The following KCNIP4 variants were observed in gnomAD, a reference collection of about 807,000 sequenced individuals.
The protein encoded by KCNIP4 is Kv channel-interacting protein 4.
In KCNIP4, 12 loss-of-function variants were observed where a neutral mutation model predicts 34.0. That is an observed-to-expected ratio of 0.35 (90% CI 0.23 to 0.57). KCNIP4 has a LOEUF of 0.57. KCNIP4 is among the 20% of genes least tolerant of loss of function. The probability of loss-of-function intolerance (pLI) is 0.83; values close to 1 mark genes in which losing one functional copy is unlikely to be tolerated. For synonymous variants in KCNIP4, 124 were observed against 102.2 expected (o/e 1.21, Z -1.29); for missense variants, 238 against 311.7 (o/e 0.76, Z 1.78).
chr4:20,882,387 G>A (rs776192813), intron 2 of KCNIP4, among the ~76,000 whole-genome samples: 4 of 152,094 alleles, frequency 2.6e-5, no homozygotes, highest in Non-Finnish European at 4.4e-5. Context: ...GTGTTTTGCA[G>A]GACAGGCTCC....
At chr4:21,053,315 C>T (rs1413549368) in intron 1 of KCNIP4, among the ~76,000 whole-genome samples, 1 of 152,040 alleles carries the variant, frequency 6.6e-6, no homozygotes, top group African/African-American at 2.4e-5. Flanking sequence ...TATGCATTAA[C>T]AACTAATTAA....
chr4:20,998,166 G>A (rs1177882540), intron 1 of KCNIP4, among the ~76,000 whole-genome samples: 2 of 152,170 alleles, frequency 1.3e-5, no homozygotes, highest in Admixed American at 1.3e-4. Context: ...CCAGAAGAAA[G>A]GGTAGCCAAC....
At chr4:21,718,518 G>A (rs1714562026) in intron 1 of KCNIP4, 2 of 151,560 alleles carry the variant, frequency 1.3e-5, no homozygotes, top group African/African-American at 4.8e-5. Context: ...TGTTACTTAG[G>A]TAAATAAATG....
intron 1 of KCNIP4, among the ~76,000 whole-genome samples, chr4:21,428,551 TG>T (rs1726131461): frequency 6.6e-6 from 1 of 152,152 alleles, no homozygotes; most frequent in Non-Finnish European, 1.5e-5. Context: ...TGACACTTGG[TG>T]GTGGGAGGAA....
chr4:20,783,946 A>G (rs1200515935), intron 3 of KCNIP4, among the ~76,000 whole-genome samples: 1 of 152,164 alleles, frequency 6.6e-6, no homozygotes, highest in Non-Finnish European at 1.5e-5. Flanking sequence ...GGCACTGGGT[A>G]GGCTCTGAGA....
chr4:21,204,704 G>A lies in KCNIP4; in HGVS notation c.62-321995C>T, dbSNP rs145391817. Among the ~76,000 whole-genome samples the A allele has an allele frequency of 7.8e-3, 1,186 of 152,282 alleles. 15 individuals are homozygous for A. The highest frequency in any genetic ancestry group is 0.027 in the African/African-American group (1,107 of 41,548). ...TTTAAATATGATAAAGTATACATAA[G>A]CAGAAGGAAACATTGGAAATAGATG... is the stretch of plus-strand genomic sequence containing the variant. On this transcript the variant is annotated intron_variant, in intron 1 of 8. Coordinates refer to ENST00000382152, the MANE Select transcript of KCNIP4 (RefSeq NM_025221.6).
intron 1 of KCNIP4, among the ~76,000 whole-genome samples, chr4:21,751,097 A>G (rs1717122489): frequency 6.6e-6 from 1 of 152,136 alleles, no homozygotes; most frequent in Admixed American, 6.6e-5. Flanking sequence ...AGGGAAGAGG[A>G]GACTGGGTGA....
At chr4:21,227,320 T>C (rs1192533752) in intron 1 of KCNIP4, among the ~76,000 whole-genome samples, 1 of 152,176 alleles carries the variant, frequency 6.6e-6, no homozygotes, top group Non-Finnish European at 1.5e-5. Flanking sequence ...AAAAGCACTT[T>C]TCCAATTCTG....
At chr4:21,269,085 G>T (rs1761986821) in intron 1 of KCNIP4, among the ~76,000 whole-genome samples, 1 of 152,184 alleles carries the variant, frequency 6.6e-6, no homozygotes, top group Admixed American at 6.5e-5. Flanking sequence ...TAAGGAGCCT[G>T]CCCATGGTTT....
At chr4:20,802,824 C>T (rs537588358) in intron 3 of KCNIP4, among the ~76,000 whole-genome samples, 33 of 152,106 alleles carry the variant, frequency 2.2e-4, no homozygotes, top group African/African-American at 5.8e-4. Flanking sequence ...GCCTGTAATC[C>T]GGCAGTTTGG....
At chr4:20,838,642 A>T (rs1456473024) in intron 3 of KCNIP4, among the ~76,000 whole-genome samples, 1 of 152,118 alleles carries the variant, frequency 6.6e-6, no homozygotes, top group East Asian at 1.9e-4. Context: ...TTCCCTCAGG[A>T]TCTGAACATG....
Position 21,801,157 on chromosome 4 carries a change from C to T in KCNIP4, c.61+147414G>A, listed in dbSNP as rs767217221. Among the ~76,000 whole-genome samples, 58 of 152,296 alleles carry T rather than the reference C, an allele frequency of 3.8e-4. No individual in the cohort carries two copies. In the Middle Eastern group the frequency reaches 0.014, roughly 36 times the overall value. ...GTGTGTGAGAGAGAACATATTCTAA[C>T]ACCAGTTTTCATAGCTTCATGTCCA... On this transcript the variant is annotated intron_variant, in intron 1 of 8. Coordinates refer to ENST00000382152, the MANE Select transcript of KCNIP4 (RefSeq NM_025221.6).
At chr4:21,294,329 GC>G (rs1384271970) in intron 1 of KCNIP4, among the ~76,000 whole-genome samples, 1 of 152,034 alleles carries the variant, frequency 6.6e-6, no homozygotes, top group Non-Finnish European at 1.5e-5. Flanking sequence ...CAAGATCTGG[GC>G]CCTAACTCCC....
At chr4:20,849,767 T>C (rs1395806260) in intron 3 of KCNIP4, among the ~76,000 whole-genome samples, 1 of 152,238 alleles carries the variant, frequency 6.6e-6, no homozygotes, top group African/African-American at 2.4e-5. Flanking sequence ...TTGATGCCTT[T>C]AAGGATGAAC....
At chr4:20,968,332 G>A (rs1273667952) in intron 1 of KCNIP4, among the ~76,000 whole-genome samples, 1 of 152,146 alleles carries the variant, frequency 6.6e-6, no homozygotes, top group South Asian at 2.1e-4. Flanking sequence ...GTTGGTGGGA[G>A]TGTAAATTAG....
chr4:20,804,750 C>T (rs559752945), intron 3 of KCNIP4, among the ~76,000 whole-genome samples: 17 of 152,138 alleles, frequency 1.1e-4, no homozygotes, highest in East Asian at 1.9e-4. Context: ...TATTTATTTA[C>T]GGAATAAAAC....
At chr4:21,210,364 C>G (rs1016482940) in intron 1 of KCNIP4, among the ~76,000 whole-genome samples, 1 of 152,118 alleles carries the variant, frequency 6.6e-6, no homozygotes, top group Non-Finnish European at 1.5e-5. Context: ...TTTCTGTCAT[C>G]AAATTAGCCT....
At chr4:21,250,441 G>T (rs1449249633) in intron 1 of KCNIP4, among the ~76,000 whole-genome samples, 1 of 152,006 alleles carries the variant, frequency 6.6e-6, no homozygotes, top group Non-Finnish European at 1.5e-5. Context: ...TTAAATAAGT[G>T]GGAGTCACTA....
intron 1 of KCNIP4, among the ~76,000 whole-genome samples, chr4:21,755,274 A>T (rs1717427825): frequency 6.6e-6 from 1 of 152,200 alleles, no homozygotes; most frequent in Admixed American, 6.5e-5. Context: ...GCTGAGGCCT[A>T]CCCACCAAGG....
Sources: gnomAD v4.1 joint callset for allele counts (sites outside exome capture counted in the v4.1 genomes callset) on GRCh38, gnomAD v4.1.1 for gene constraint, MANE v1.5 for transcripts, NCBI Gene and HGNC (gene_info 2026-07-23, HGNC 2026-07-21) for gene names.